The following MOB1B variants were observed in gnomAD, a reference collection of about 807,000 sequenced individuals.
MOB1B encodes MOB1 Mps One Binder homolog B.
MOB1B carries 19 observed loss-of-function variants against 24.4 expected under a neutral mutation model. The ratio of observed to expected loss-of-function variants is 0.78; its 90% confidence interval spans 0.54 to 1.14. The LOEUF (loss-of-function observed/expected upper bound fraction) is 1.14. Among genes scored for constraint, MOB1B ranks in the 50% most tolerant of loss-of-function variants. The pLI, the probability that MOB1B is intolerant of heterozygous loss-of-function variation, is 0.00. For missense variants in MOB1B, 243 were observed against 259.6 expected, an observed-to-expected ratio of 0.94 and a Z score of 0.44; for synonymous variants, 76 against 82.1, an observed-to-expected ratio of 0.93 and a Z score of 0.40.
At chr4:70,907,846 G>A (rs548195853) in intron 1 of MOB1B, among the ~76,000 whole-genome samples, 1 of 152,136 alleles carries the variant, frequency 6.6e-6, no homozygotes, top group South Asian at 2.1e-4. Flanking sequence ...GGGTGTTACT[G>A]TGTTGCCCGG....
At chr4:70,908,591 G>A (rs1356129871) in intron 1 of MOB1B, among the ~76,000 whole-genome samples, 6 of 150,940 alleles carry the variant, frequency 4.0e-5, no homozygotes, top group Non-Finnish European at 5.9e-5. Context: ...TGGCCAACAT[G>A]GTGAAACCCT....
At chr4:70,979,321 C>G (rs1245832320) in intron 5 of MOB1B, 30 bp downstream of exon 5, 1 of 1,562,864 alleles carries the variant, frequency 6.4e-7, no homozygotes, top group Non-Finnish European at 8.8e-7. Context: ...CTTTGGTGCT[C>G]AGGGTAAGCA....
At chr4:70,969,853 A>G (rs761919622) in intron 2 of MOB1B, 78 bp from the exon 3 acceptor site, 2 of 787,242 alleles carry the variant, frequency 2.5e-6, no homozygotes, top group Non-Finnish European at 4.3e-6. Flanking sequence ...CAATAAGCCT[A>G]TTCTGTTCAA....
At chr4:70,959,384 A>T (rs1312925907) in intron 2 of MOB1B, among the ~76,000 whole-genome samples, 1 of 151,980 alleles carries the variant, frequency 6.6e-6, no homozygotes, top group Non-Finnish European at 1.5e-5. Flanking sequence ...TCATTTACAA[A>T]CATGTTTTAG....
intron 5 of MOB1B, among the ~76,000 whole-genome samples, chr4:70,980,423 CTG>C (rs143949506): frequency 1.3e-4 from 20 of 152,310 alleles, no homozygotes; most frequent in African/African-American, 4.6e-4. Context: ...TGATCTTACA[CTG>C]TGTTTCCCAA....
intron 2 of MOB1B, among the ~76,000 whole-genome samples, chr4:70,961,948 T>G (rs895703380): frequency 3.3e-5 from 5 of 152,176 alleles, no homozygotes. Context: ...AAGGAGAGAC[T>G]AGGTGCATTG....
intron 1 of MOB1B, among the ~76,000 whole-genome samples, chr4:70,936,692 TA>T (rs1344414510): frequency 6.6e-6 from 1 of 152,218 alleles, no homozygotes; most frequent in Non-Finnish European, 1.5e-5. Flanking sequence ...TGTCTTGGTT[TA>T]CTTTTGTATT....
chr4:70,953,908 C>A (rs1737916075), intron 1 of MOB1B, among the ~76,000 whole-genome samples: 1 of 152,072 alleles, frequency 6.6e-6, no homozygotes, highest in South Asian at 2.1e-4. Flanking sequence ...TATGCCACTG[C>A]ACTCCAGCCT....
intron 1 of MOB1B, among the ~76,000 whole-genome samples, chr4:70,946,827 A>G (rs1737603180): frequency 6.6e-6 from 1 of 152,106 alleles, no homozygotes; most frequent in African/African-American, 2.4e-5. Context: ...GGGAAGGAAA[A>G]AAAAGGAGGG....
intron 1 of MOB1B, among the ~76,000 whole-genome samples, chr4:70,917,805 G>C (rs12509778): frequency 0.85 from 129,406 of 152,208 alleles, 56,674 homozygotes; most frequent in Non-Finnish European, 0.96. Flanking sequence ...CCAAATGTAT[G>C]TGAAGCTTTA....
At chr4:70,958,798 C>A in intron 1 of MOB1B, 76 bp from the exon 2 acceptor site, 1 of 1,298,714 alleles carries the variant, frequency 7.7e-7, no homozygotes, top group Non-Finnish European at 1.1e-6. Flanking sequence ...CAGTTTAGGT[C>A]TAATGCTTGG....
chr4:70,907,005 A>C (rs1443302631), intron 1 of MOB1B, among the ~76,000 whole-genome samples: 2 of 152,198 alleles, frequency 1.3e-5, no homozygotes, highest in Non-Finnish European at 2.9e-5. Flanking sequence ...GTGGGTGATA[A>C]TTAATGGAAG....
At chr4:70,976,740 C>A in intron 4 of MOB1B, 1 of 497,922 alleles carries the variant, frequency 2.0e-6, no homozygotes, top group Non-Finnish European at 2.5e-6. Flanking sequence ...AGCAATTTTT[C>A]AAGACTGAAT....
At chr4:70,975,021 G>A (rs1215724775) in intron 3 of MOB1B, 132 bp from the exon 4 acceptor site, 2 of 615,692 alleles carry the variant, frequency 3.2e-6, no homozygotes, top group Non-Finnish European at 4.8e-6. Context: ...ATTTAAAAAT[G>A]TATCTTTATT....
In MOB1B at chr4:70,985,831, T is replaced by A. The variant is rs1474610841; in HGVS notation, c.*3774T>A. ...CACCACAGCCAGCCAGTATGACCTA[T>A]CTTAATCATCAGCTCAACTGTAATT... On this transcript the variant is annotated 3_prime_UTR_variant, in exon 6 of 6. Coordinates refer to ENST00000309395, the MANE Select transcript of MOB1B (RefSeq NM_173468.4). 6.6e-6 allele frequency: 1 copy of A among 152,192 alleles called. No homozygotes were observed. Among genetic ancestry groups the A allele is most frequent in the African/African-American group, 2.4e-5 (1 of 41,438 alleles). The allele number at this position is 152,192 out of a possible 1,614,324, so 9.4% of individuals were successfully genotyped here.
intron 1 of MOB1B, among the ~76,000 whole-genome samples, chr4:70,908,433 A>G (rs998575963): frequency 1.3e-5 from 2 of 151,440 alleles, no homozygotes; most frequent in Admixed American, 1.3e-4. Context: ...AAGGAAGGAA[A>G]TACTTACTGA....
At chr4:70,922,737 C>A (rs757876104) in intron 1 of MOB1B, among the ~76,000 whole-genome samples, 1 of 152,184 alleles carries the variant, frequency 6.6e-6, no homozygotes, top group Non-Finnish European at 1.5e-5. Flanking sequence ...AGTTATACTT[C>A]TAAGTCACGT....
At chr4:70,923,660 A>G (rs566054588) in intron 1 of MOB1B, among the ~76,000 whole-genome samples, 3 of 152,194 alleles carry the variant, frequency 2.0e-5, no homozygotes, top group African/African-American at 7.2e-5. Context: ...AGAAATAGGT[A>G]ACAGTAGGGC....
intron 4 of MOB1B, among the ~76,000 whole-genome samples, chr4:70,978,529 C>A (rs1286124457): frequency 6.6e-6 from 1 of 152,178 alleles, no homozygotes; most frequent in Non-Finnish European, 1.5e-5. Context: ...CCATACCAAT[C>A]TGTGTTCCCA....
Sources: gnomAD v4.1 joint callset for allele counts (sites outside exome capture counted in the v4.1 genomes callset) on GRCh38, gnomAD v4.1.1 for gene constraint, MANE v1.5 for transcripts, NCBI Gene and HGNC (gene_info 2026-07-23, HGNC 2026-07-21) for gene names.